The following MTCL1 variants were observed in gnomAD, a reference collection of about 807,000 sequenced individuals.
MTCL1 encodes the protein microtubule crosslinking factor 1.
Under a neutral mutation model 141.4 loss-of-function variants are expected in MTCL1, and 79 were observed. The ratio of observed to expected loss-of-function variants is 0.56; its 90% CI spans 0.47 to 0.67. The LOEUF (loss-of-function observed/expected upper bound fraction) is 0.67, where lower values mean the gene tolerates loss of function less well. MTCL1 is among the 30% of genes least tolerant of loss of function. The probability of loss-of-function intolerance (pLI) is 0.00; values close to 1 mark genes in which losing one functional copy is unlikely to be tolerated. For synonymous variants in MTCL1, 914 were observed against 875.8 expected (o/e 1.04, Z -0.77); for missense variants, 2,177 against 2,113.9 (o/e 1.03, Z -0.59).
chr18:8,725,688 T>G (rs928189030), intron 4 of MTCL1, among the ~76,000 whole-genome samples: 1 of 148,248 alleles, frequency 6.7e-6, no homozygotes, highest in African/African-American at 2.5e-5. Flanking sequence ...CTATATCCTT[T>G]ATAGCTTTTG....
At chr18:8,792,945 C>G in intron 7 of MTCL1, 53 bp from the exon 7 acceptor site, 1 of 1,605,756 alleles carries the variant, frequency 6.2e-7, no homozygotes, top group Non-Finnish European at 8.5e-7. Flanking sequence ...GCGTCGTCAC[C>G]TCAGGCAGAG....
chr18:8,739,877 G>A (rs1054261619), intron 4 of MTCL1, among the ~76,000 whole-genome samples: 16 of 152,192 alleles, frequency 1.1e-4, no homozygotes, highest in East Asian at 1.9e-4. Context: ...GACTAAAGGC[G>A]CACGCCACCA....
intron 3 of MTCL1, among the ~76,000 whole-genome samples, chr18:8,719,147 CT>C (rs2096151097): frequency 6.6e-6 from 1 of 152,124 alleles, no homozygotes; most frequent in Admixed American, 6.5e-5. Context: ...TCTGAGGTGT[CT>C]TTGAGAACCA....
chr18:8,778,988 G>T (rs543319981), intron 5 of MTCL1, among the ~76,000 whole-genome samples: 1 of 152,198 alleles, frequency 6.6e-6, no homozygotes, highest in Non-Finnish European at 1.5e-5. Flanking sequence ...GCGTTGAGCC[G>T]CCCACCCAGC....
chr18:8,758,462 T>C (rs1488284532), intron 4 of MTCL1, among the ~76,000 whole-genome samples: 1 of 152,242 alleles, frequency 6.6e-6, no homozygotes, highest in East Asian at 1.9e-4. Flanking sequence ...ATTTCAACAG[T>C]GTCCTTCACC....
chr18:8,719,742 A>G (rs868488692), intron 3 of MTCL1, among the ~76,000 whole-genome samples: 1 of 151,916 alleles, frequency 6.6e-6, no homozygotes, highest in Non-Finnish European at 1.5e-5. Flanking sequence ...TTTTATTTTT[A>G]TAATTTTTTT....
At chr18:8,813,489 T>TG (rs1173446509) in intron 12 of MTCL1, among the ~76,000 whole-genome samples, 1 of 136,614 alleles carries the variant, frequency 7.3e-6, no homozygotes, top group East Asian at 2.6e-4. Flanking sequence ...CAGAGCAGGG[T>TG]GGGTGGGGCT....
intron 4 of MTCL1, among the ~76,000 whole-genome samples, chr18:8,736,619 C>A (rs906467065): frequency 6.7e-5 from 10 of 149,474 alleles, no homozygotes; most frequent in Non-Finnish European, 1.3e-4. Context: ...ACATTGGGGG[C>A]CTTCTATATC....
At chr18:8,787,582 C>G (rs1049706818) in intron 7 of MTCL1, among the ~76,000 whole-genome samples, 3 of 152,386 alleles carry the variant, frequency 2.0e-5, no homozygotes, top group Admixed American at 6.5e-5. Context: ...GGAATGGCAC[C>G]TTTTAAAAAC....
chr18:8,712,380 G>A (rs1247682474), upstream of MTCL1, among the ~76,000 whole-genome samples: 1 of 152,148 alleles, frequency 6.6e-6, no homozygotes, highest in African/African-American at 2.4e-5. Context: ...TTGAGTTTCA[G>A]GCCCTGACCT....
At chr18:8,786,628 A>G (rs1396449514) in intron 7 of MTCL1, 7 of 319,156 alleles carry the variant, frequency 2.2e-5, no homozygotes, top group Non-Finnish European at 4.4e-5. Context: ...CGGTATACAC[A>G]AGGCTTCAGC....
intron 1 of MTCL1, among the ~76,000 whole-genome samples, chr18:8,708,639 T>A (rs1349999445): frequency 6.6e-6 from 1 of 152,248 alleles, no homozygotes; most frequent in Admixed American, 6.5e-5. Flanking sequence ...CCGAGCACAC[T>A]GCTTCTGAGT....
chr18:8,766,897 G>T lies in MTCL1; in HGVS notation c.358-10936G>T, dbSNP rs539646989. ...CCAGGTTGCCTTTTAGGGGAAGCTT[G>T]TTCATTCCCAGCCCTCACTGGCTGA... On this transcript the variant is annotated intron_variant, in intron 4 of 16. Coordinates refer to ENST00000359865, the Ensembl canonical transcript of MTCL1. 6.0e-4 allele frequency among the ~76,000 whole-genome samples: 92 copies of T among 152,302 alleles called. 1 individual carries two copies. The highest frequency in any genetic ancestry group is 2.2e-3 in the African/African-American group (91 of 41,562).
chr18:8,731,252 G>T (rs1010802578), intron 4 of MTCL1, among the ~76,000 whole-genome samples: 2 of 150,748 alleles, frequency 1.3e-5, no homozygotes, highest in African/African-American at 4.9e-5. Flanking sequence ...CTCAAAAAAA[G>T]ATAAAAAAGT....
At chr18:8,746,169 G>A (rs970535951) in intron 4 of MTCL1, among the ~76,000 whole-genome samples, 1 of 152,176 alleles carries the variant, frequency 6.6e-6, no homozygotes, top group African/African-American at 2.4e-5. Context: ...CCTCACCTAT[G>A]TCTGTTGTGA....
Position 8,774,272 on chromosome 18 carries a change from G to A in MTCL1, c.358-3561G>A, listed in dbSNP as rs1173985709. 2.0e-5 allele frequency among the ~76,000 whole-genome samples: 3 copies of A among 149,818 alleles called. No homozygotes were observed. The East Asian group carries it at 6.1e-4, about 31-fold the overall frequency. ...TTTTCGAATGTGTGTGTGTGTGTGT[G>A]TGTATTTTTTTTTAAGGAATTTGGT... On this transcript the variant is annotated intron_variant, in intron 4 of 16. Coordinates refer to ENST00000359865, the Ensembl canonical transcript of MTCL1.
At chr18:8,775,137 T>A (rs2096501223) in intron 4 of MTCL1, among the ~76,000 whole-genome samples, 1 of 152,186 alleles carries the variant, frequency 6.6e-6, no homozygotes, top group African/African-American at 2.4e-5. Flanking sequence ...GAGAATGTGA[T>A]GAAAGCCAGG....
chr18:8,809,218 C>A (rs75917818), intron 11 of MTCL1, among the ~76,000 whole-genome samples: 1 of 152,112 alleles, frequency 6.6e-6, no homozygotes, highest in Non-Finnish European at 1.5e-5. Flanking sequence ...CCATTAGAAT[C>A]GAATGGATTA....
intron 12 of MTCL1, among the ~76,000 whole-genome samples, chr18:8,817,158 A>G (rs1433365186): frequency 6.6e-6 from 1 of 151,582 alleles, no homozygotes; most frequent in Non-Finnish European, 1.5e-5. Flanking sequence ...GGATTCTTGC[A>G]TTTTAATTTC....
Sources: gnomAD v4.1 joint callset for allele counts (sites outside exome capture counted in the v4.1 genomes callset) on GRCh38, gnomAD v4.1.1 for gene constraint, MANE v1.5 for transcripts, NCBI Gene and HGNC (gene_info 2026-07-23, HGNC 2026-07-21) for gene names.